The following MYH13 variants were observed in gnomAD, a reference collection of about 807,000 sequenced individuals.
The protein encoded by MYH13 is myosin heavy chain 13.
In MYH13, 177 loss-of-function variants were observed where a neutral mutation model predicts 232.1. That is an observed-to-expected ratio of 0.76 (90% CI 0.67 to 0.86). The LOEUF (loss-of-function observed/expected upper bound fraction) is 0.86, where lower values mean the gene tolerates loss of function less well. MYH13 is among the 40% of genes least tolerant of loss of function. The pLI, the probability that MYH13 is intolerant of heterozygous loss-of-function variation, is 0.00. For missense variants in MYH13, 2,246 were observed against 2,405.9 expected, an observed-to-expected ratio of 0.93 and a Z score of 1.39; for synonymous variants, 884 against 923.5, an observed-to-expected ratio of 0.96 and a Z score of 0.78.
Position 10,364,469 on chromosome 17 carries a change from T to A in MYH13, c.62A>T (p.Glu21Val). The A allele has an allele frequency of 6.2e-7, 1 of 1,612,210 alleles. No individual in the cohort carries two copies. The highest frequency in any genetic ancestry group is 1.1e-5 in the South Asian group (1 of 90,536). The part of the protein sequence containing the change: ...GEAAPYLRKP[E>V]KERIEAQNRP... Reference sequence around the variant, plus strand: ...ATTTTGAGCCTCGATTCTCTCCTTCTCTGGTTTCCGGAGGTAGGGAGCTGC... The same window carrying A: ...ATTTTGAGCCTCGATTCTCTCCTTCACTGGTTTCCGGAGGTAGGGAGCTGC... The change falls in exon 3 of 41, where the codon GAG becomes GTG. Residue 21 changes from glutamate (E) to valine (V), a missense_variant. Coordinates refer to ENST00000252172, the MANE Select transcript of MYH13 (RefSeq NM_003802.3).
Position 10,340,205 on chromosome 17 carries a change from C to G in MYH13, c.2001G>C (p.Arg667Ser), listed in dbSNP as rs188020778. ...ATCGTACAAAGTGAGGGTGGGTGCT[C>G]CTTAAGTTAGTCATCAATTTGTTTA... Reference protein sequence around the residue: ...ENLNKLMTNLRSTHPHFVRCL... With the variant: ...ENLNKLMTNLSSTHPHFVRCL... The change falls in exon 18 of 41, where the codon AGG (arginine) becomes AGC (serine). Residue 667 changes from arginine to serine, a missense_variant. By Grantham distance (110) the Arg-to-Ser change is moderately radical (BLOSUM62 -1). Transcript: ENST00000252172. 1 of 1,613,970 alleles carries G rather than the reference C, an allele frequency of 6.2e-7. No individual in the cohort carries two copies. The highest frequency in any genetic ancestry group is 2.2e-5 in the East Asian group (1 of 44,884).
At chr17:10,338,515 G>A (rs2071593406) in intron 18 of MYH13, among the ~76,000 whole-genome samples, 2 of 151,708 alleles carry the variant, frequency 1.3e-5, no homozygotes, top group Admixed American at 6.6e-5. Context: ...CATTTGCTGG[G>A]TGTTCACAAT....
chr17:10,322,636 T>G (rs1005584231), intron 23 of MYH13, among the ~76,000 whole-genome samples: 68 of 146,216 alleles, frequency 4.7e-4, no homozygotes, highest in Non-Finnish European at 8.3e-4. Flanking sequence ...AGTTGTTTTT[T>G]TTTTTTTTTT....
intron 21 of MYH13, among the ~76,000 whole-genome samples, chr17:10,329,422 T>G (rs1907336068): frequency 6.6e-6 from 1 of 152,260 alleles, no homozygotes; most frequent in Non-Finnish European, 1.5e-5. Flanking sequence ...CATCCCTTAC[T>G]TGGACTTCTA....
In MYH13 at chr17:10,318,952, T is replaced by C; in HGVS notation, c.3576A>G (p.Thr1192=). The C allele has an allele frequency of 6.2e-7, 1 of 1,614,188 alleles. No homozygotes were observed. The highest frequency in any genetic ancestry group is 1.1e-5 in the South Asian group (1 of 91,088). Residue 1192 remains threonine (T), a synonymous_variant, in exon 27 of 41, where the codon ACA becomes ACG. Coordinates refer to ENST00000252172, the MANE Select transcript of MYH13 (RefSeq NM_003802.3). ...LEEATLQHEA[T]AATLRKKQAD... is the part of the protein sequence containing the mutation. ...CTTGCTTCTTCCTCAGGGTGGCTGCTGTGGCTTCGTGCTGCAGGGTGGCCT... is the reference window on the plus strand; with the variant it reads ...CTTGCTTCTTCCTCAGGGTGGCTGCCGTGGCTTCGTGCTGCAGGGTGGCCT...
chr17:10,347,379 A>G (rs1172721385), intron 12 of MYH13, among the ~76,000 whole-genome samples: 7 of 152,292 alleles, frequency 4.6e-5, no homozygotes, highest in Middle Eastern at 3.4e-3. Flanking sequence ...AAAAAAATTA[A>G]TTAATTACAT....
In MYH13 at chr17:10,320,378, T is replaced by G; in HGVS notation, c.3230A>C (p.Lys1077Thr). ...TTTCAATTTCTCTTCTATTTGCTGC[T>G]TGTCATTTTCTAGATCCATAATGGA... ...QESIMDLEND[K>T]QQIEEKLKKK... is the part of the protein sequence containing the mutation. The change falls in exon 25 of 41, where the codon AAG (lysine) becomes ACG (threonine). Residue 1077 changes from lysine (K) to threonine (T), a missense_variant. By Grantham distance (78) the Lys-to-Thr change is moderately conservative (BLOSUM62 -1). Coordinates refer to ENST00000252172, the MANE Select transcript of MYH13 (RefSeq NM_003802.3). The G allele has an allele frequency of 6.2e-7, 1 of 1,612,512 alleles. No individual in the cohort carries two copies. The highest frequency in any genetic ancestry group is 8.5e-7 in the Non-Finnish European group (1 of 1,179,182).
At position 10,309,635 on chromosome 17, in the gene MYH13, G is replaced by A; in HGVS notation, c.4852C>T (p.Leu1618=). The part of the protein sequence containing the change: ...EIRSRNDALR[L]KKKMEGDLNE... ...AGGTCTCCCTCCATCTTCTTCTTTA[G>A]CCTCAGGGCGTCGTTCCGGCTGCGG... Residue 1618 remains leucine, a synonymous_variant, in exon 34 of 41, where the codon CTA becomes TTA. Transcript: ENST00000252172. 4 of 1,612,622 alleles carry A rather than the reference G, an allele frequency of 2.5e-6. No homozygotes were observed. The highest frequency in any genetic ancestry group is 2.5e-6 in the Non-Finnish European group (3 of 1,179,400).
chr17:10,333,024 C>CA lies in MYH13; in HGVS notation c.2174+49dup, dbSNP rs779978707. The CA allele has an allele frequency of 2.5e-4, 358 of 1,412,978 alleles. 2 individuals carry two copies. Among genetic ancestry groups the CA allele is most frequent in the Non-Finnish European group, 3.3e-4 (338 of 1,021,674 alleles). The allele number at this position is 1,412,978 out of a possible 1,614,324, so 87.5% of individuals were successfully genotyped here. On this transcript the variant is annotated intron_variant, in intron 19 of 40. Transcript: ENST00000252172. ...GGTCAAGAAATGTCTTAGGGAAATG[C>CA]AAAAGGTGCCCTCGGAAGGAGAGAG...
chr17:10,301,848 C>T (rs1380020163), intron 39 of MYH13, 145 bp from the exon 40 acceptor site: 31 of 1,128,314 alleles, frequency 2.7e-5, no homozygotes, highest in Admixed American at 1.1e-4. Flanking sequence ...CTTTCTCCAG[C>T]GTGTGAGGAC....
intron 24 of MYH13, 141 bp downstream of exon 24, chr17:10,321,391 G>T: frequency 1.3e-6 from 1 of 796,822 alleles, no homozygotes; most frequent in Non-Finnish European, 1.9e-6. Flanking sequence ...CTCCTTCAGG[G>T]TCAGGGTGGG....
At chr17:10,333,930 C>T (rs1025117979) in intron 18 of MYH13, among the ~76,000 whole-genome samples, 2 of 151,328 alleles carry the variant, frequency 1.3e-5, no homozygotes, top group Non-Finnish European at 2.9e-5. Flanking sequence ...AAGAAGAGGC[C>T]GTGGGAGGGG....
chr17:10,353,451 T>C (rs1013564862), intron 11 of MYH13, among the ~76,000 whole-genome samples: 1 of 152,178 alleles, frequency 6.6e-6, no homozygotes, highest in Non-Finnish European at 1.5e-5. Context: ...AGACCCCTTT[T>C]CGCAAGCTCT....
intron 8 of MYH13, among the ~76,000 whole-genome samples, chr17:10,356,230 G>A (rs183748248): frequency 4.5e-4 from 69 of 152,330 alleles, no homozygotes; most frequent in Admixed American, 4.5e-3. Flanking sequence ...AAAAGTTAGT[G>A]AAGGATCAGT....
Position 10,364,405 on chromosome 17 carries a change from A to T in MYH13, c.126T>A (p.Asp42Glu). Residue 42 changes from aspartate (D) to glutamate (E), a missense_variant, in exon 3 of 41, where the codon GAT becomes GAA. Transcript: ENST00000252172. ...TGCCTTTCACATACATTTCCTTATT[A>T]TCCGCTACAAAGCAGGCTTTCTTGG... ...FDSKKACFVA[D>E]NKEMYVKGMI... The T allele has an allele frequency of 6.2e-7, 1 of 1,613,816 alleles. No individual in the cohort carries two copies. Among genetic ancestry groups the T allele is most frequent in the Non-Finnish European group, 8.5e-7 (1 of 1,179,832 alleles).
chr17:10,316,172 C>A, intron 27 of MYH13, 147 bp from the exon 28 acceptor site: 1 of 1,117,000 alleles, frequency 9.0e-7, no homozygotes, highest in Non-Finnish European at 1.2e-6. Context: ...TCAAAAAAAT[C>A]ATAATCGGCC....
chr17:10,334,594 A>G (rs866902887), intron 18 of MYH13, among the ~76,000 whole-genome samples: 1 of 151,988 alleles, frequency 6.6e-6, no homozygotes, highest in South Asian at 2.1e-4. Flanking sequence ...ACATTCAGAG[A>G]ACTGGCCAGG....
chr17:10,367,372 G>A (rs11650841), intron 2 of MYH13, among the ~76,000 whole-genome samples: 23,565 of 152,054 alleles, frequency 0.15, 2,399 homozygotes, highest in Non-Finnish European at 0.23. Flanking sequence ...TTATTGAGAT[G>A]GAGTCTCAAT....
chr17:10,332,368 G>T, intron 19 of MYH13, 146 bp from the exon 20 acceptor site: 3 of 1,101,664 alleles, frequency 2.7e-6, no homozygotes, highest in Non-Finnish European at 3.9e-6. Flanking sequence ...AATAGCTAGG[G>T]ACTGATTCTA....
Sources: allele counts gnomAD v4.1 joint callset (sites outside exome capture counted in the v4.1 genomes callset), GRCh38; gene constraint gnomAD v4.1.1; transcripts MANE v1.5; gene names NCBI Gene and HGNC (gene_info 2026-07-23, HGNC 2026-07-21).